Variants in CHD8 observed in about 807,000 individuals in gnomAD.
CHD8 encodes the protein chromodomain helicase DNA binding protein 8, also known as ATP-dependent chromatin remodeler CHD8.
Under a neutral mutation model 279.2 loss-of-function variants are expected in CHD8, and 31 were observed. The ratio of observed to expected loss-of-function variants is 0.11; its 90% CI spans 0.08 to 0.15. The LOEUF is 0.15. Among genes scored for constraint, CHD8 ranks in the 10% least tolerant of loss-of-function variants. CHD8 has a pLI of 1.00. For synonymous variants in CHD8, 1,081 were observed against 1,139.6 expected (o/e 0.95, Z 1.04); for missense variants, 2,146 against 3,230.5 (o/e 0.66, Z 8.14).
In CHD8 at chr14:21,403,745, GA is replaced by G; in HGVS notation, c.3308-83del. Reference sequence around the variant, plus strand: ...GTCTATTTAACTAAGAAAGCAAAAGGAAAAAAATGTAATTTGACTTAAGACC... The same window carrying G: ...GTCTATTTAACTAAGAAAGCAAAAGGAAAAAATGTAATTTGACTTAAGACC... On this transcript the variant is annotated intron_variant, in intron 16 of 37. Coordinates refer to ENST00000646647, the MANE Select transcript of CHD8 (RefSeq NM_001170629.2). This position sits in a 1 kb window ranked among gnomAD's most constrained non-coding sequence, Gnocchi z 4.3. The G allele has an allele frequency of 5.1e-6, 6 of 1,175,850 alleles. No individual in the cohort carries two copies. Among genetic ancestry groups the G allele is most frequent in the Non-Finnish European group, 7.3e-6 (6 of 823,218 alleles). The allele number at this position is 1,175,850 out of a possible 1,614,324, so 72.8% of individuals were successfully genotyped here.
chr14:21,418,471 G>A (rs1376341909), intron 5 of CHD8, among the ~76,000 whole-genome samples: 2 of 151,760 alleles, frequency 1.3e-5, no homozygotes, highest in Non-Finnish European at 1.5e-5. Flanking sequence ...AGTGAGCCAA[G>A]ATCACGCCAC....
chr14:21,447,741 T>C (rs974068017), intron 1 of CHD8, among the ~76,000 whole-genome samples: 4 of 150,456 alleles, frequency 2.7e-5, no homozygotes, highest in African/African-American at 9.7e-5. Flanking sequence ...GTCAACCTCA[T>C]TGTAGATTTT....
In CHD8 at chr14:21,445,688, C is replaced by CAA. The variant is rs747923350; in HGVS notation, c.-216+10342_-216+10343dup. Among the ~76,000 whole-genome samples the CAA allele has an allele frequency of 1.6e-3, 28 of 17,252 alleles. 1 individual carries two copies. The highest frequency in any genetic ancestry group is 2.7e-3 in the African/African-American group (14 of 5,164). The allele number at this position is 17,252 out of a possible 152,430, so 11.3% of individuals were successfully genotyped here. On this transcript the variant is annotated intron_variant, in intron 1 of 37. Transcript: ENST00000646647. ...CGGGCAACAGAGCAGGATTCGGTCT[C>CAA]AAAAAAAAAAAAAAAAAAAAAAAAA... is the stretch of plus-strand genomic sequence containing the variant.
chr14:21,414,240 A>G, intron 9 of CHD8, 61 bp downstream of exon 9: 1 of 859,302 alleles, frequency 1.2e-6, no homozygotes, highest in South Asian at 1.4e-5. Flanking sequence ...GCCAAGGCTG[A>G]CAACCCCAGT....
intron 1 of CHD8, chr14:21,436,894 A>C (rs1889803746): frequency 2.4e-6 from 3 of 1,244,730 alleles, no homozygotes; most frequent in Admixed American, 2.3e-5. Context: ...GGACCCGGGT[A>C]CATTACCTGC....
In CHD8 at chr14:21,385,559, C is replaced by T; in HGVS notation, c.*54G>A. 6.6e-7 allele frequency: 1 copy of T among 1,513,174 alleles called. No homozygotes were observed. Among genetic ancestry groups the T allele is most frequent in the Non-Finnish European group, 8.8e-7 (1 of 1,129,990 alleles). 93.7% of individuals were successfully genotyped at this position (1,513,174 alleles called of 1,614,324 possible). A position where few individuals can be genotyped will look rare whatever the true frequency, so the allele number is the denominator to read the frequency against. On this transcript the variant is annotated 3_prime_UTR_variant, in exon 38 of 38. Transcript: ENST00000646647. Reference sequence around the variant, plus strand: ...TCCCACGTTTCCATAGTCCAAGGGCCAGAGTAAATGAAAATACAGCAGCCG... The same window carrying T: ...TCCCACGTTTCCATAGTCCAAGGGCTAGAGTAAATGAAAATACAGCAGCCG...
intron 1 of CHD8, among the ~76,000 whole-genome samples, chr14:21,439,034 C>T (rs774131704): frequency 5.3e-5 from 8 of 150,920 alleles, no homozygotes; most frequent in African/African-American, 9.8e-5. Context: ...GGGTGAGGCA[C>T]GAGGATTGCT....
intron 5 of CHD8, 38 bp downstream of exon 5, chr14:21,426,090 A>G (rs1335846355): frequency 8.2e-7 from 1 of 1,223,726 alleles, no homozygotes; most frequent in Non-Finnish European, 1.2e-6. Context: ...ATAATTAAAC[A>G]TGGTTTTTTC....
chr14:21,395,272 T>A, intron 29 of CHD8, 26 bp downstream of exon 29: 1 of 1,583,588 alleles, frequency 6.3e-7, no homozygotes, highest in Non-Finnish European at 8.7e-7. Flanking sequence ...CCACACAGAA[T>A]TATACTAGTT....
chr14:21,414,736 C>G, intron 8 of CHD8: 2 of 621,788 alleles, frequency 3.2e-6, no homozygotes, highest in East Asian at 5.5e-5. Context: ...GAACCACCCT[C>G]ACCCCACTTA....
intron 1 of CHD8, among the ~76,000 whole-genome samples, chr14:21,443,872 A>C (rs890435023): frequency 3.3e-5 from 5 of 151,804 alleles, no homozygotes; most frequent in Admixed American, 6.6e-5. Flanking sequence ...AAAAAAAAAA[A>C]AAAAAAACAA....
At chr14:21,431,903 C>A (rs148678273) in intron 1 of CHD8, 45 bp from the exon 2 acceptor site, 1 of 1,356,462 alleles carries the variant, frequency 7.4e-7, no homozygotes, top group Admixed American at 1.7e-5. Context: ...GCAAAGTTGG[C>A]GATCTCAGAG....
At chr14:21,430,635 TCC>T (rs1889525845) in intron 2 of CHD8, 164 bp downstream of exon 2, 7 of 591,766 alleles carry the variant, frequency 1.2e-5, no homozygotes, top group Non-Finnish European at 2.1e-5. Flanking sequence ...ATTAACTGCT[TCC>T]AACCAGCAAG....
intron 4 of CHD8, 63 bp from the exon 5 acceptor site, chr14:21,426,305 A>G: frequency 1.2e-6 from 1 of 823,632 alleles, no homozygotes; most frequent in Non-Finnish European, 2.0e-6. Flanking sequence ...GTAAAAAAAC[A>G]TAATTAATCT....
intron 27 of CHD8, 77 bp from the exon 28 acceptor site, chr14:21,395,969 G>C: frequency 1.2e-6 from 1 of 858,496 alleles, no homozygotes; most frequent in East Asian, 2.4e-5. Flanking sequence ...TGAAGACCTA[G>C]CCACACATAT....
At chr14:21,428,501 C>T (rs1028521134) in intron 3 of CHD8, among the ~76,000 whole-genome samples, 3 of 152,186 alleles carry the variant, frequency 2.0e-5, no homozygotes, top group African/African-American at 7.2e-5. Flanking sequence ...CATTAATATA[C>T]ATCTCCATTA....
intron 1 of CHD8, among the ~76,000 whole-genome samples, chr14:21,443,811 G>A (rs1890045418): frequency 7.0e-6 from 1 of 143,268 alleles, no homozygotes; most frequent in Non-Finnish European, 1.5e-5. Context: ...AGCTGAGATC[G>A]CGCCACTGCA....
chr14:21,391,227 G>C (rs1033994587), intron 36 of CHD8, among the ~76,000 whole-genome samples, 164 bp from the exon 37 acceptor site: 4 of 152,126 alleles, frequency 2.6e-5, no homozygotes, highest in African/African-American at 9.7e-5. Flanking sequence ...AAAAATATTA[G>C]GTGGTTTATA....
At position 21,386,156 on chromosome 14, in the gene CHD8, C is replaced by T. The variant is rs181239271; in HGVS notation, c.7203G>A (p.Val2401=). 295 of 1,551,950 alleles carry T rather than the reference C, an allele frequency of 1.9e-4. 1 individual carries two copies. The African/African-American group carries it at 2.1e-3, about 11-fold the overall frequency. Residue 2401 remains valine, a synonymous_variant, in exon 38 of 38, where the codon GTG becomes GTA. Transcript: ENST00000646647. ...NGKKGHHTET[V]FNRVLPGPIA... is the part of the protein sequence containing the mutation. Reference sequence around the variant, plus strand: ...TAGGCCCTGGCAAAACCCGGTTGAACACCGTTTCAGTGTGATGACCCTAGG... The same window carrying T: ...TAGGCCCTGGCAAAACCCGGTTGAATACCGTTTCAGTGTGATGACCCTAGG...
Sources: gnomAD v4.1 joint callset for allele counts (sites outside exome capture counted in the v4.1 genomes callset) on GRCh38, gnomAD v4.1.1 for gene constraint, Gnocchi (gnomAD v3.1) non-coding constraint, MANE v1.5 for transcripts, NCBI Gene and HGNC (gene_info 2026-07-23, HGNC 2026-07-21) for gene names.